The following PTK2B variants were observed in gnomAD, a reference collection of about 807,000 sequenced individuals.
The protein encoded by PTK2B is protein-tyrosine kinase 2-beta.
Under a neutral mutation model 142.9 loss-of-function variants are expected in PTK2B, and 71 were observed. That is an observed-to-expected ratio of 0.50 (90% CI 0.41 to 0.61). PTK2B has a LOEUF of 0.61. Among genes scored for constraint, PTK2B ranks in the 20% least tolerant of loss-of-function variants. The probability of loss-of-function intolerance (pLI) is 0.00; values close to 1 mark genes in which losing one functional copy is unlikely to be tolerated. For missense variants in PTK2B, 1,105 were observed against 1,320.4 expected (o/e 0.84, Z 2.53); for synonymous variants, 519 against 503.4 (o/e 1.03, Z -0.42).
chr8:27,445,826 G>A lies in PTK2B; in HGVS notation c.2247G>A (p.Thr749=), dbSNP rs780321572. 13 of 1,613,902 alleles carry A rather than the reference G, an allele frequency of 8.1e-6. No individual in the cohort carries two copies. The highest frequency in any genetic ancestry group is 5.0e-5 in the Admixed American group (3 of 60,008). ...VPEGLCASSP[T]LTSPMEYPSP... is the part of the protein sequence containing the mutation. ...AGGGTCTGTGTGCCAGCTCTCCTAC[G>A]CTCACCAGCCCTATGGAGTATCCAT... The change falls in exon 24 of 31, where the codon ACG becomes ACA. Residue 749 remains threonine (T), a synonymous_variant. Transcript: ENST00000346049.
chr8:27,431,125 A>G (rs1201437511), intron 8 of PTK2B, 109 bp downstream of exon 8: 1 of 1,511,676 alleles, frequency 6.6e-7, no homozygotes, highest in Non-Finnish European at 8.9e-7. Flanking sequence ...ATTCTCACTC[A>G]GGCAGCAGGA....
intron 1 of PTK2B, among the ~76,000 whole-genome samples, chr8:27,356,085 G>A (rs987555662): frequency 7.2e-5 from 11 of 151,904 alleles, no homozygotes; most frequent in Admixed American, 6.6e-4. Context: ...GGAGCCGTCT[G>A]AGAGCCCTAC....
At chr8:27,453,618 A>G (rs942528726) in intron 28 of PTK2B, among the ~76,000 whole-genome samples, 13 of 152,138 alleles carry the variant, frequency 8.5e-5, no homozygotes, top group Non-Finnish European at 1.9e-4. Flanking sequence ...CGTGGCTCAC[A>G]CCTGTAATCC....
At chr8:27,341,260 G>A (rs916091985) in intron 1 of PTK2B, among the ~76,000 whole-genome samples, 5 of 152,136 alleles carry the variant, frequency 3.3e-5, no homozygotes, top group African/African-American at 9.7e-5. Context: ...TTGCTAAATG[G>A]GATGAAGGAA....
At chr8:27,405,629 C>T (rs764897302) in intron 2 of PTK2B, among the ~76,000 whole-genome samples, 7 of 152,188 alleles carry the variant, frequency 4.6e-5, no homozygotes, top group South Asian at 2.1e-4. Flanking sequence ...CAGGCCAGCC[C>T]GCCCCCACAC....
intron 1 of PTK2B, among the ~76,000 whole-genome samples, chr8:27,342,218 C>T (rs1184393572): frequency 6.6e-6 from 1 of 152,132 alleles, no homozygotes; most frequent in Non-Finnish European, 1.5e-5. Flanking sequence ...TTTTGAGACA[C>T]TTCTGTGCCT....
chr8:27,352,145 C>G (rs1390730329), intron 1 of PTK2B, among the ~76,000 whole-genome samples: 1 of 152,236 alleles, frequency 6.6e-6, no homozygotes, highest in Non-Finnish European at 1.5e-5. Context: ...TTCTGCTCTT[C>G]CAAGCGCTGC....
chr8:27,435,084 A>G (rs1176741039), intron 13 of PTK2B, among the ~76,000 whole-genome samples: 3 of 152,236 alleles, frequency 2.0e-5, no homozygotes, highest in African/African-American at 4.8e-5. Context: ...CCATAACAAA[A>G]TACTATAGAC....
chr8:27,313,920 C>G lies in PTK2B; in HGVS notation c.-414+633C>G, dbSNP rs544416330. On this transcript the variant is annotated intron_variant, in intron 3 of 35. Coordinates refer to the PTK2B transcript ENST00000397501. ...CAGGGAATTGTCTCTCTCCCTCTCTCTGGCCCATCTGCCAAATTATCCATT... is the reference window on the plus strand; with the variant it reads ...CAGGGAATTGTCTCTCTCCCTCTCTGTGGCCCATCTGCCAAATTATCCATT... 7.9e-5 allele frequency among the ~76,000 whole-genome samples: 12 copies of G among 152,352 alleles called. 1 individual carries two copies. In the South Asian group the frequency reaches 2.5e-3, roughly 32 times the overall value.
chr8:27,314,821 G>A (rs1803058591), intron 3 of PTK2B, among the ~76,000 whole-genome samples: 1 of 152,166 alleles, frequency 6.6e-6, no homozygotes, highest in Admixed American at 6.5e-5. Flanking sequence ...ACCATTAACA[G>A]TCCCAGCTAC....
At chr8:27,434,618 A>G in intron 13 of PTK2B, 59 bp downstream of exon 13, 1 of 1,539,214 alleles carries the variant, frequency 6.5e-7, no homozygotes, top group South Asian at 1.2e-5. Flanking sequence ...CTTGCTCCCC[A>G]CTGCTTGCTC....
At chr8:27,451,174 C>G in intron 26 of PTK2B, 96 bp downstream of exon 26, 4 of 1,402,270 alleles carry the variant, frequency 2.9e-6, no homozygotes, top group Non-Finnish European at 4.0e-6. Context: ...TACCCCCAGG[C>G]CTGCCCAGCT....
chr8:27,396,941 T>C (rs1044296495), intron 1 of PTK2B, among the ~76,000 whole-genome samples: 2 of 152,200 alleles, frequency 1.3e-5, no homozygotes, highest in African/African-American at 4.8e-5. Flanking sequence ...GTGATGTCTA[T>C]GTGATGAGCT....
chr8:27,432,895 C>G (rs1235558017), intron 10 of PTK2B, among the ~76,000 whole-genome samples: 2 of 152,090 alleles, frequency 1.3e-5, no homozygotes, highest in African/African-American at 4.8e-5. Context: ...GGTGCAATCT[C>G]AGCTCACTGT....
chr8:27,405,862 G>A (rs997557206), intron 2 of PTK2B, among the ~76,000 whole-genome samples: 2 of 152,204 alleles, frequency 1.3e-5, no homozygotes, highest in Non-Finnish European at 2.9e-5. Flanking sequence ...GTATTATTTT[G>A]TTCTTCAATC....
intron 1 of PTK2B, among the ~76,000 whole-genome samples, chr8:27,391,026 G>A (rs1232224878): frequency 6.6e-6 from 1 of 151,942 alleles, no homozygotes; most frequent in Admixed American, 6.6e-5. Flanking sequence ...GACATCATAC[G>A]GCCTTTCTGA....
Position 27,430,982 on chromosome 8 carries a change from A to C in PTK2B, c.776A>C (p.Asn259Thr). The C allele has an allele frequency of 6.2e-7, 1 of 1,614,176 alleles. No individual in the cohort carries two copies. Among genetic ancestry groups the C allele is most frequent in the African/African-American group, 1.3e-5 (1 of 75,050 alleles). ...KFFNTLAGFA[N>T]IDQETYRCEL... ...TTCAACACTCTCGCCGGCTTCGCCA[A>C]CATCGACCAGGAGACCTACCGCTGT... Residue 259 changes from asparagine to threonine, a missense_variant, in exon 8 of 31, where the codon AAC becomes ACC. Physicochemically the swap from Asn to Thr is moderately conservative, Grantham distance 65. Transcript: ENST00000346049.
chr8:27,395,492 G>A (rs78347436), intron 1 of PTK2B, among the ~76,000 whole-genome samples: 1 of 152,102 alleles, frequency 6.6e-6, no homozygotes, highest in African/African-American at 2.4e-5. Context: ...TTCATACCCT[G>A]TAGCAGGGCT....
intron 22 of PTK2B, 72 bp from the exon 23 acceptor site, chr8:27,444,134 A>C: frequency 6.8e-7 from 1 of 1,475,950 alleles, no homozygotes; most frequent in African/African-American, 1.4e-5. Context: ...CTTTGACCTG[A>C]TGTTCCCCTT....
Sources: gnomAD v4.1 joint callset for allele counts (sites outside exome capture counted in the v4.1 genomes callset) on GRCh38, gnomAD v4.1.1 for gene constraint, MANE v1.5 for transcripts, NCBI Gene and HGNC (gene_info 2026-07-23, HGNC 2026-07-21) for gene names.